RYR3: variants seen among roughly 807,000 people sequenced by gnomAD.
RYR3 encodes the protein brain ryanodine receptor-calcium release channel.
In RYR3, 207 loss-of-function variants were observed where a neutral mutation model predicts 584.3. The observed-to-expected ratio is 0.35, with a 90% confidence interval of 0.32 to 0.40. The LOEUF is 0.40. Ranked by LOEUF, RYR3 falls within the 10% of genes least tolerant of loss-of-function variation. The pLI is 1.00. For missense variants in RYR3, 5,616 were observed against 6,089.2 expected (o/e 0.92, Z 2.59); for synonymous variants, 2,416 against 2,248.5 (o/e 1.07, Z -2.11).
chr15:33,728,825 A>G (rs756578136), intron 46 of RYR3, 32 bp from the exon 47 acceptor site: 2 of 1,595,358 alleles, frequency 1.3e-6, no homozygotes, highest in South Asian at 2.3e-5. Flanking sequence ...GAGACAGGAA[A>G]AGGGAAATTA....
chr15:33,473,260 A>C, intron 1 of RYR3, 159 bp from the exon 2 acceptor site: 1 of 859,154 alleles, frequency 1.2e-6, no homozygotes, highest in Non-Finnish European at 2.0e-6. Context: ...ATGTCCTGTG[A>C]ATAAAAAATC....
chr15:33,704,222 C>T (rs996072097), intron 42 of RYR3, among the ~76,000 whole-genome samples: 4 of 149,470 alleles, frequency 2.7e-5, no homozygotes, highest in African/African-American at 7.4e-5. Context: ...TGCAGTGAGC[C>T]GAGATCATGC....
intron 98 of RYR3, among the ~76,000 whole-genome samples, chr15:33,855,440 G>A (rs2079551938): frequency 1.3e-5 from 2 of 152,212 alleles, no homozygotes; most frequent in Non-Finnish European, 2.9e-5. Flanking sequence ...CTGATCTCAG[G>A]TGATCCACCC....
chr15:33,831,783 C>G (rs747535806), intron 86 of RYR3, among the ~76,000 whole-genome samples: 4 of 151,938 alleles, frequency 2.6e-5, no homozygotes, highest in African/African-American at 4.8e-5. Context: ...GTCGGTGATA[C>G]AAGATTTTTT....
intron 1 of RYR3, among the ~76,000 whole-genome samples, chr15:33,472,407 AAC>A (rs1407338406): frequency 6.6e-6 from 1 of 152,196 alleles, no homozygotes; most frequent in African/African-American, 2.4e-5. Context: ...GACACTTTCC[AAC>A]AAGACAATCT....
intron 19 of RYR3, among the ~76,000 whole-genome samples, chr15:33,616,953 C>T (rs561275800): frequency 4.6e-5 from 7 of 152,258 alleles, no homozygotes; most frequent in East Asian, 1.9e-4. Context: ...CAAAATAAAC[C>T]GATTGGGTAT....
intron 59 of RYR3, among the ~76,000 whole-genome samples, chr15:33,757,251 C>G (rs903234666): frequency 3.9e-5 from 6 of 152,054 alleles, no homozygotes; most frequent in African/African-American, 1.4e-4. Flanking sequence ...TTCTTTGGGC[C>G]CTTAGTCCAT....
At chr15:33,660,611 T>C (rs111520284) in intron 34 of RYR3, among the ~76,000 whole-genome samples, 188 bp downstream of exon 34, 3 of 152,326 alleles carry the variant, frequency 2.0e-5, no homozygotes, top group Middle Eastern at 6.8e-3. Context: ...GGAAACACAC[T>C]AGGAGGTGCC....
intron 1 of RYR3, among the ~76,000 whole-genome samples, chr15:33,443,597 C>G (rs1044420039): frequency 2.6e-5 from 4 of 152,044 alleles, no homozygotes; most frequent in Non-Finnish European, 5.9e-5. Context: ...TAGGACAGTA[C>G]AGACATCGCT....
At chr15:33,490,091 G>A (rs2050841667) in intron 2 of RYR3, among the ~76,000 whole-genome samples, 1 of 152,106 alleles carries the variant, frequency 6.6e-6, no homozygotes, top group African/African-American at 2.4e-5. Flanking sequence ...AAACACCCTT[G>A]GGAATTTGTT....
chr15:33,491,824 A>G (rs1027992899), intron 2 of RYR3, among the ~76,000 whole-genome samples: 3 of 152,184 alleles, frequency 2.0e-5, no homozygotes, highest in Non-Finnish European at 2.9e-5. Flanking sequence ...GAATTCAAGT[A>G]GGAGGAGACT....
At chr15:33,567,167 G>A (rs1434399936) in intron 12 of RYR3, among the ~76,000 whole-genome samples, 1 of 152,174 alleles carries the variant, frequency 6.6e-6, no homozygotes, top group African/African-American at 2.4e-5. Flanking sequence ...ATGTAGAAAG[G>A]GTTTCTACAA....
At chr15:33,679,285 A>G (rs1300887406) in intron 38 of RYR3, among the ~76,000 whole-genome samples, 1 of 152,068 alleles carries the variant, frequency 6.6e-6, no homozygotes, top group African/African-American at 2.4e-5. Flanking sequence ...TCAAGTTGCC[A>G]CAGCTCATCT....
At chr15:33,782,928 A>G (rs576678056) in intron 65 of RYR3, among the ~76,000 whole-genome samples, 2 of 152,346 alleles carry the variant, frequency 1.3e-5, no homozygotes, top group South Asian at 4.2e-4. Flanking sequence ...GCAGTGATCT[A>G]TTAATCAGAA....
rs1173938272 is a variant in RYR3, at chr15:33,762,070, AAAAACACTCAAT to A, written c.8705+4478_8705+4489del. On this transcript the variant is annotated intron_variant, in intron 60 of 103. Transcript: ENST00000634891. The stretch of plus-strand genomic sequence containing the variant: ...ATAAAATTCAACACCCCTTCATGCT[AAAAACACTCAAT>A]AAACTAGGTGTTGATGGAAAATATC... Among the ~76,000 whole-genome samples, 4 of 152,348 alleles carry A rather than the reference AAAAACACTCAAT, an allele frequency of 2.6e-5. No individual in the cohort carries two copies. In the South Asian group the frequency reaches 6.2e-4, roughly 24 times the overall value.
intron 38 of RYR3, among the ~76,000 whole-genome samples, chr15:33,692,632 T>C (rs2065518795): frequency 6.6e-6 from 1 of 151,836 alleles, no homozygotes; most frequent in Non-Finnish European, 1.5e-5. Context: ...TTTTTTTTTT[T>C]TTTTAACTGT....
chr15:33,722,676 C>T (rs1172122498), intron 43 of RYR3, 39 bp from the exon 44 acceptor site: 2 of 1,574,564 alleles, frequency 1.3e-6, no homozygotes, highest in Non-Finnish European at 1.7e-6. Context: ...CTGGGGTTGT[C>T]CTTTTCATTG....
At chr15:33,827,374 G>A in intron 85 of RYR3, 87 bp downstream of exon 85, 2 of 1,236,346 alleles carry the variant, frequency 1.6e-6, no homozygotes, top group Non-Finnish European at 2.3e-6. Context: ...GACAGCCCAG[G>A]ATACAGTCAA....
intron 1 of RYR3, among the ~76,000 whole-genome samples, chr15:33,338,383 C>T (rs867107281): frequency 6.6e-6 from 1 of 152,104 alleles, no homozygotes; most frequent in Non-Finnish European, 1.5e-5. Flanking sequence ...AGTGAATCTG[C>T]ATTTTTACAT....
Sources: allele counts gnomAD v4.1 joint callset (sites outside exome capture counted in the v4.1 genomes callset), GRCh38; gene constraint gnomAD v4.1.1; transcripts MANE v1.5; gene names NCBI Gene and HGNC (gene_info 2026-07-23, HGNC 2026-07-21).